ZNF385D: variants seen among roughly 807,000 people sequenced by gnomAD.
The protein encoded by ZNF385D is zinc finger protein 659.
ZNF385D carries 15 observed loss-of-function variants against 35.8 expected under a neutral mutation model. The observed-to-expected ratio is 0.42, with a 90% CI of 0.28 to 0.64. The LOEUF (loss-of-function observed/expected upper bound fraction) is 0.64. ZNF385D is among the 30% of genes least tolerant of loss of function. The pLI is 0.23. For synonymous variants in ZNF385D, 212 were observed against 186.8 expected (o/e 1.13, Z -1.10); for missense variants, 474 against 494.6 (o/e 0.96, Z 0.39).
intron 2 of ZNF385D, among the ~76,000 whole-genome samples, chr3:21,652,851 G>A (rs2065960402): frequency 6.6e-6 from 1 of 152,098 alleles, no homozygotes; most frequent in African/African-American, 2.4e-5. Context: ...CTATATAGAT[G>A]ATATACTAAA....
intron 1 of ZNF385D, among the ~76,000 whole-genome samples, chr3:21,677,366 A>C (rs2066761553): frequency 6.6e-6 from 1 of 151,986 alleles, no homozygotes; most frequent in Non-Finnish European, 1.5e-5. Flanking sequence ...CTAAATATAC[A>C]AATCTGGAGC....
intron 3 of ZNF385D, among the ~76,000 whole-genome samples, chr3:22,086,009 A>C (rs1701017993): frequency 6.6e-6 from 1 of 152,212 alleles, no homozygotes; most frequent in Non-Finnish European, 1.5e-5. Flanking sequence ...ACAACACTTC[A>C]TGCTAAAAAC....
rs528828360 is a variant in ZNF385D, at chr3:21,758,423, G to A, written c.326-93395C>T. 5.9e-5 allele frequency among the ~76,000 whole-genome samples: 9 copies of A among 152,276 alleles called. No homozygotes were observed. In the South Asian group the frequency reaches 1.7e-3, roughly 28 times the overall value. Reference sequence around the variant, plus strand: ...AAGGAGACAATGGTCAGAATTACATGTATTTAGGCTAAAGAGAGAAATCCC... The same window carrying A: ...AAGGAGACAATGGTCAGAATTACATATATTTAGGCTAAAGAGAGAAATCCC... On this transcript the variant is annotated intron_variant, in intron 3 of 5. Transcript: ENST00000494108.
At chr3:21,655,387 A>G (rs551571456) in intron 2 of ZNF385D, among the ~76,000 whole-genome samples, 2 of 152,164 alleles carry the variant, frequency 1.3e-5, no homozygotes, top group South Asian at 4.1e-4. Flanking sequence ...CCTATAGTAT[A>G]AAAGAATATT....
At chr3:21,885,004 T>C (rs1175751846) in intron 3 of ZNF385D, among the ~76,000 whole-genome samples, 5 of 152,064 alleles carry the variant, frequency 3.3e-5, no homozygotes, top group Non-Finnish European at 5.9e-5. Context: ...AATGGCAGAA[T>C]GCAGTAGATA....
At chr3:21,636,575 C>G (rs3996211) in intron 2 of ZNF385D, among the ~76,000 whole-genome samples, 98,748 of 150,426 alleles carry the variant, frequency 0.66, 32,747 homozygotes, top group Non-Finnish European at 0.68. Context: ...AAAGATGTAG[C>G]CTGGGAGGTT....
chr3:22,013,415 G>A (rs1424245753), intron 3 of ZNF385D, among the ~76,000 whole-genome samples: 1 of 152,022 alleles, frequency 6.6e-6, no homozygotes, highest in African/African-American at 2.4e-5. Flanking sequence ...AGTTAGAATA[G>A]GCCAAATAAT....
chr3:22,107,681 G>T (rs17010815), intron 3 of ZNF385D, among the ~76,000 whole-genome samples: 16,324 of 151,970 alleles, frequency 0.11, 1,068 homozygotes, highest in Admixed American at 0.19. Context: ...AAAGCTGTTT[G>T]CCAATTGTTG....
intron 3 of ZNF385D, among the ~76,000 whole-genome samples, chr3:21,939,182 A>C (rs13434164): frequency 0.078 from 11,926 of 152,266 alleles, 1,556 homozygotes; most frequent in African/African-American, 0.27. Flanking sequence ...TTGCCCACTG[A>C]AATACCAACT....
intron 3 of ZNF385D, among the ~76,000 whole-genome samples, chr3:22,083,492 G>C (rs1230493026): frequency 6.6e-6 from 1 of 152,106 alleles, no homozygotes; most frequent in African/African-American, 2.4e-5. Flanking sequence ...AGTGATGGAA[G>C]ATCAAATTAA....
intron 2 of ZNF385D, among the ~76,000 whole-genome samples, chr3:21,593,916 C>G (rs1301481781): frequency 1.3e-5 from 2 of 152,046 alleles, no homozygotes; most frequent in Admixed American, 6.6e-5. Context: ...CCACAAAGAC[C>G]CAACTTCACT....
At chr3:21,494,957 T>G (rs1280040922) in intron 4 of ZNF385D, among the ~76,000 whole-genome samples, 1 of 152,212 alleles carries the variant, frequency 6.6e-6, no homozygotes, top group African/African-American at 2.4e-5. Flanking sequence ...TCAGTTGCTC[T>G]AGACGTTCAT....
intron 4 of ZNF385D, chr3:21,441,848 A>C (rs1701876405): frequency 2.2e-6 from 1 of 456,146 alleles, no homozygotes; most frequent in Non-Finnish European, 2.9e-6. Flanking sequence ...GGGACAATAT[A>C]TGTGACAAGG....
intron 4 of ZNF385D, among the ~76,000 whole-genome samples, chr3:21,480,239 A>G (rs1460355475): frequency 6.6e-6 from 1 of 151,258 alleles, no homozygotes; most frequent in Non-Finnish European, 1.5e-5. Context: ...AGTAGCTTGG[A>G]TTACAGGCAC....
intron 3 of ZNF385D, among the ~76,000 whole-genome samples, chr3:21,765,540 A>T (rs1022770818): frequency 3.3e-5 from 5 of 152,042 alleles, no homozygotes; most frequent in African/African-American, 1.2e-4. Context: ...ATAAACTAAG[A>T]GATGGAGAAG....
At chr3:22,140,000 C>T (rs1704404759) in intron 3 of ZNF385D, among the ~76,000 whole-genome samples, 2 of 152,176 alleles carry the variant, frequency 1.3e-5, no homozygotes, top group East Asian at 1.9e-4. Flanking sequence ...CATATTGTTA[C>T]TGGAAATATA....
chr3:22,157,174 T>C (rs1173319318), intron 3 of ZNF385D, among the ~76,000 whole-genome samples: 2 of 152,100 alleles, frequency 1.3e-5, no homozygotes, highest in African/African-American at 4.8e-5. Context: ...TCTTTCCAGT[T>C]ACATGACCTT....
chr3:22,175,262 C>T (rs1006693123), intron 2 of ZNF385D, among the ~76,000 whole-genome samples: 1 of 151,908 alleles, frequency 6.6e-6, no homozygotes, highest in South Asian at 2.1e-4. Flanking sequence ...TTGCAGAAAG[C>T]ATTTAAAATC....
chr3:21,850,545 C>T (rs1422507663), intron 3 of ZNF385D, among the ~76,000 whole-genome samples: 5 of 152,070 alleles, frequency 3.3e-5, no homozygotes, highest in Admixed American at 1.3e-4. Context: ...ATAGTAGTTT[C>T]CTTGAGCATT....
Sources: allele counts gnomAD v4.1 joint callset (sites outside exome capture counted in the v4.1 genomes callset), GRCh38; gene constraint gnomAD v4.1.1; transcripts MANE v1.5; gene names NCBI Gene and HGNC (gene_info 2026-07-23, HGNC 2026-07-21).